Variants in CCDC91 observed in about 807,000 individuals in gnomAD.
CCDC91 encodes the protein coiled-coil domain-containing protein 91.
Under a neutral mutation model 63.2 loss-of-function variants are expected in CCDC91, and 48 were observed. The ratio of observed to expected loss-of-function variants is 0.76; its 90% CI spans 0.60 to 0.97. CCDC91 has a LOEUF of 0.97. Ranked by LOEUF, CCDC91 falls within the 50% of genes least tolerant of loss-of-function variation. The pLI, the probability that CCDC91 is intolerant of heterozygous loss-of-function variation, is 0.00. For synonymous variants in CCDC91, 167 were observed against 165.8 expected, an observed-to-expected ratio of 1.01 and a Z score of -0.06; for missense variants, 500 against 494.6, an observed-to-expected ratio of 1.01 and a Z score of -0.10.
chr12:28,348,823 A>G (rs1942992165), intron 6 of CCDC91, among the ~76,000 whole-genome samples: 1 of 152,104 alleles, frequency 6.6e-6, no homozygotes. Context: ...TCCCAGGCTC[A>G]AGCGATTCTC....
chr12:28,218,698 T>TG (rs1943728485), intron 1 of CCDC91, among the ~76,000 whole-genome samples: 1 of 130,910 alleles, frequency 7.6e-6, no homozygotes, highest in East Asian at 2.3e-4. Flanking sequence ...ATTGCAGATG[T>TG]TTGTGTGTGT....
At chr12:28,505,542 C>T (rs1592886467) in intron 12 of CCDC91, 1 of 151,958 alleles carries the variant, frequency 6.6e-6, no homozygotes, top group South Asian at 2.1e-4. Flanking sequence ...TAAAGCAAAA[C>T]CCAAAGTGAT....
intron 11 of CCDC91, among the ~76,000 whole-genome samples, chr12:28,454,330 A>G (rs1441112062): frequency 6.6e-6 from 1 of 152,126 alleles, no homozygotes; most frequent in Non-Finnish European, 1.5e-5. Flanking sequence ...ACCTAATCAG[A>G]GATTTTGTGG....
intron 6 of CCDC91, among the ~76,000 whole-genome samples, chr12:28,345,426 G>T (rs1266819026): frequency 2.0e-5 from 3 of 151,918 alleles, no homozygotes; most frequent in Non-Finnish European, 2.9e-5. Flanking sequence ...ACATTTAAGT[G>T]TTTTCTGACC....
At chr12:28,288,013 TG>T (rs1949011778) in intron 3 of CCDC91, among the ~76,000 whole-genome samples, 1 of 152,166 alleles carries the variant, frequency 6.6e-6, no homozygotes. Flanking sequence ...TGACTGTTGT[TG>T]GTGTAATAGG....
chr12:28,544,248 C>T (rs1220923715), intron 12 of CCDC91, among the ~76,000 whole-genome samples: 1 of 151,778 alleles, frequency 6.6e-6, no homozygotes, highest in Non-Finnish European at 1.5e-5. Flanking sequence ...TACCAGTTCT[C>T]CATCAAACCA....
intron 1 of CCDC91, among the ~76,000 whole-genome samples, chr12:28,193,432 C>T (rs11049423): frequency 0.28 from 41,897 of 151,914 alleles, 6,015 homozygotes; most frequent in Non-Finnish European, 0.31. Flanking sequence ...GAAACTCCGT[C>T]TCTACTAAAA....
At chr12:28,358,989 G>A (rs1428340060) in intron 6 of CCDC91, among the ~76,000 whole-genome samples, 10 of 152,010 alleles carry the variant, frequency 6.6e-5, no homozygotes, top group East Asian at 1.9e-4. Flanking sequence ...TCCGCCTCCC[G>A]GGTTCAAGTG....
Position 28,268,423 on chromosome 12 carries a change from A to G in CCDC91, c.109+8981A>G, listed in dbSNP as rs867963690. ...GAAAATTAACAAACTATAGCTACATATTAACAACATGGAAGAATCTCATGA... is the reference window on the plus strand; with the variant it reads ...GAAAATTAACAAACTATAGCTACATGTTAACAACATGGAAGAATCTCATGA... On this transcript the variant is annotated intron_variant, in intron 3 of 12. Coordinates refer to ENST00000536442, the MANE Select transcript of CCDC91 (RefSeq NM_018318.5). Among the ~76,000 whole-genome samples, 37 of 152,288 alleles carry G rather than the reference A, an allele frequency of 2.4e-4. 1 individual carries two copies. Among genetic ancestry groups the G allele is most frequent in the African/African-American group, 8.7e-4 (36 of 41,578 alleles).
At chr12:28,199,394 T>C (rs977652837) in intron 1 of CCDC91, among the ~76,000 whole-genome samples, 1 of 152,246 alleles carries the variant, frequency 6.6e-6, no homozygotes, top group Non-Finnish European at 1.5e-5. Context: ...TACATCTTTC[T>C]ACATTAATAC....
At chr12:28,286,157 G>T (rs1245650381) in intron 3 of CCDC91, among the ~76,000 whole-genome samples, 1 of 149,742 alleles carries the variant, frequency 6.7e-6, no homozygotes, top group Non-Finnish European at 1.5e-5. Context: ...CAATAAAGAA[G>T]TTTTTTTTTT....
Position 28,391,431 on chromosome 12 carries a change from A to G in CCDC91, c.762+20A>G. On this transcript the variant is annotated intron_variant, in intron 8 of 12. Transcript: ENST00000536442. ...GCTCAGGTAATAAAAGTGCACATCC[A>G]TTATATATTTATACTTTTCCCCTGA... 1 of 1,397,394 alleles carries G rather than the reference A, an allele frequency of 7.2e-7. No homozygotes were observed. Among genetic ancestry groups the G allele is most frequent in the Non-Finnish European group, 1.0e-6 (1 of 982,906 alleles). 86.6% of individuals were successfully genotyped at this position (1,397,394 alleles called of 1,614,324 possible).
chr12:28,510,268 T>A (rs1939231522), intron 12 of CCDC91, among the ~76,000 whole-genome samples: 1 of 151,556 alleles, frequency 6.6e-6, no homozygotes, highest in Non-Finnish European at 1.5e-5. Context: ...TAGAAAGAGA[T>A]TTATCATAAA....
intron 12 of CCDC91, among the ~76,000 whole-genome samples, chr12:28,525,850 C>T (rs1253511999): frequency 2.0e-5 from 3 of 151,918 alleles, no homozygotes; most frequent in African/African-American, 7.3e-5. Flanking sequence ...TATATAATGT[C>T]CCTCTTTGTC....
chr12:28,459,543 T>C (rs1397970650), intron 11 of CCDC91, among the ~76,000 whole-genome samples: 1 of 152,182 alleles, frequency 6.6e-6, no homozygotes, highest in African/African-American at 2.4e-5. Flanking sequence ...TCGGATGTTA[T>C]TATCCCCTTT....
At chr12:28,386,619 G>A (rs1279865799) in intron 7 of CCDC91, among the ~76,000 whole-genome samples, 3 of 151,978 alleles carry the variant, frequency 2.0e-5, no homozygotes, top group South Asian at 2.1e-4. Flanking sequence ...CGCCCGCCTC[G>A]GCCTCCCAAA....
chr12:28,525,834 T>C (rs1941210839), intron 12 of CCDC91, among the ~76,000 whole-genome samples: 1 of 152,186 alleles, frequency 6.6e-6, no homozygotes, highest in Non-Finnish European at 1.5e-5. Context: ...CAAAGCCTTT[T>C]ATTGTTATAT....
chr12:28,266,231 T>C (rs555743478), intron 3 of CCDC91, among the ~76,000 whole-genome samples: 1 of 152,128 alleles, frequency 6.6e-6, no homozygotes, highest in South Asian at 2.1e-4. Flanking sequence ...TTGCTATGCT[T>C]CTGAAGATTA....
At chr12:28,412,565 G>A (rs1159175570) in intron 8 of CCDC91, among the ~76,000 whole-genome samples, 1 of 152,162 alleles carries the variant, frequency 6.6e-6, no homozygotes, top group Non-Finnish European at 1.5e-5. Context: ...GACCTTCACG[G>A]TGAGTGTTAC....
Sources: gnomAD v4.1 joint callset for allele counts (sites outside exome capture counted in the v4.1 genomes callset) on GRCh38, gnomAD v4.1.1 for gene constraint, MANE v1.5 for transcripts, NCBI Gene and HGNC (gene_info 2026-07-23, HGNC 2026-07-21) for gene names.